The following VPS13A variants were observed in gnomAD, a reference collection of about 807,000 sequenced individuals.
The protein encoded by VPS13A is intermembrane lipid transfer protein VPS13A.
VPS13A carries 264 observed loss-of-function variants against 390.9 expected under a neutral mutation model. That is an observed-to-expected ratio of 0.68 (90% CI 0.61 to 0.75). The LOEUF (loss-of-function observed/expected upper bound fraction) is 0.75, where lower values mean the gene tolerates loss of function less well. Among genes scored for constraint, VPS13A ranks in the 30% least tolerant of loss-of-function variants. The pLI is 0.00. For missense variants in VPS13A, 3,409 were observed against 3,733.9 expected (o/e 0.91, Z 2.27); for synonymous variants, 1,231 against 1,227.1 (o/e 1.00, Z -0.07).
chr9:77,309,690 A>G (rs1316114216), intron 35 of VPS13A, among the ~76,000 whole-genome samples: 1 of 152,190 alleles, frequency 6.6e-6, no homozygotes, highest in East Asian at 1.9e-4. Flanking sequence ...ACCTGACCAC[A>G]GGTAATTGAA....
chr9:77,357,300 C>CAG (rs1831853349), intron 55 of VPS13A, among the ~76,000 whole-genome samples: 1 of 112,554 alleles, frequency 8.9e-6, no homozygotes, highest in Non-Finnish European at 1.6e-5. Flanking sequence ...GCCTGGCTGA[C>CAG]AGCAAGACTC....
intron 33 of VPS13A, among the ~76,000 whole-genome samples, chr9:77,298,624 G>A (rs1011102345): frequency 7.2e-5 from 11 of 152,104 alleles, no homozygotes; most frequent in Admixed American, 2.6e-4. Context: ...AAGTGTGACC[G>A]AAGGTAGTGG....
intron 1 of VPS13A, among the ~76,000 whole-genome samples, chr9:77,180,099 C>G (rs1461273898): frequency 1.3e-5 from 2 of 152,146 alleles, no homozygotes; most frequent in Non-Finnish European, 2.9e-5. Flanking sequence ...ATTTATTTAT[C>G]TATACTCACC....
chr9:77,327,952 A>C (rs1830097334), intron 45 of VPS13A, among the ~76,000 whole-genome samples: 1 of 152,158 alleles, frequency 6.6e-6, no homozygotes, highest in African/African-American at 2.4e-5. Context: ...AATCCTTTCC[A>C]GAAGGTTTTC....
chr9:77,308,207 T>C (rs893403215), intron 35 of VPS13A, 109 bp downstream of exon 35: 1 of 1,179,984 alleles, frequency 8.5e-7, no homozygotes, highest in African/African-American at 1.5e-5. Flanking sequence ...CCCCTCTTTC[T>C]CCCTCCTTTC....
At chr9:77,244,286 G>A (rs1219400087) in intron 19 of VPS13A, among the ~76,000 whole-genome samples, 1 of 152,086 alleles carries the variant, frequency 6.6e-6, no homozygotes, top group Non-Finnish European at 1.5e-5. Flanking sequence ...ATATAGAACT[G>A]AGACAGCGTT....
Position 77,321,225 on chromosome 9 carries a change from C to T in VPS13A, c.5472C>T (p.Tyr1824=), listed in dbSNP as rs1295215032. ...IVESDPEEEN[Y]KVPEYKTVIS... is the part of the protein sequence containing the mutation. The stretch of plus-strand genomic sequence containing the variant: ...AGTCAGATCCTGAAGAAGAAAACTA[C>T]AAAGTGCCAGAATATAAAACTGTCA... Residue 1824 remains tyrosine (Y), a synonymous_variant, in exon 43 of 72, where the codon TAC becomes TAT. Transcript: ENST00000360280. 6.2e-7 allele frequency: 1 copy of T among 1,612,578 alleles called. No individual in the cohort carries two copies. The highest frequency in any genetic ancestry group is 2.2e-5 in the East Asian group (1 of 44,740).
intron 59 of VPS13A, among the ~76,000 whole-genome samples, chr9:77,361,334 A>G (rs1832128633): frequency 6.6e-6 from 1 of 152,048 alleles, no homozygotes; most frequent in Non-Finnish European, 1.5e-5. Flanking sequence ...AGAATCATAC[A>G]CTGTGTAGTC....
In VPS13A at chr9:77,359,398, A is replaced by G. The variant is rs149959044; in HGVS notation, c.8101A>G (p.Ile2701Val). ...TGCAGGACATTCCCAGATATCACGT[A>G]TTAAGTAAGTGTCTTAATACATTTC... Reference protein sequence around the residue: ...RSAGHSQISRIKYFKVLIQEM... With the variant: ...RSAGHSQISRVKYFKVLIQEM... The change falls in exon 58 of 72, where the codon ATT becomes GTT. Residue 2701 changes from isoleucine to valine, a missense_variant. By Grantham distance (29) the Ile-to-Val change is conservative. Transcript: ENST00000360280. 7.4e-6 allele frequency: 12 copies of G among 1,610,928 alleles called. No homozygotes were observed. The highest frequency in any genetic ancestry group is 1.3e-5 in the African/African-American group (1 of 74,870).
At position 77,283,391 on chromosome 9, in the gene VPS13A, T is replaced by A. The variant is rs1378817669; in HGVS notation, c.3155T>A (p.Leu1052Ter). 6.2e-7 allele frequency: 1 copy of A among 1,607,134 alleles called. No homozygotes were observed. Among genetic ancestry groups the A allele is most frequent in the Non-Finnish European group, 8.5e-7 (1 of 1,174,462 alleles). ...KLSTNEDIITLQILAELSCLQ... is the reference protein window; with the variant it reads ...KLSTNEDIIT ...TCCACAAATGAAGATATCATTACTT[T>A]GCAGATTTTAGCAGAATTATCGTGT... is the stretch of plus-strand genomic sequence containing the variant. Residue 1052 changes from leucine (L) to a stop codon, truncating the protein, a stop_gained, in exon 30 of 72, where the codon TTG becomes TAG. Transcript: ENST00000360280. LOFTEE classifies it high-confidence loss of function.
intron 33 of VPS13A, among the ~76,000 whole-genome samples, chr9:77,299,551 T>C (rs1055982315): frequency 7.2e-5 from 11 of 152,192 alleles, no homozygotes; most frequent in African/African-American, 2.7e-4. Flanking sequence ...AAATACCATT[T>C]GACCCAGCCA....
In VPS13A at chr9:77,319,600, T is replaced by A; in HGVS notation, c.5342T>A (p.Val1781Glu). 1 of 1,611,110 alleles carries A rather than the reference T, an allele frequency of 6.2e-7. No homozygotes were observed. Among genetic ancestry groups the A allele is most frequent in the Non-Finnish European group, 8.5e-7 (1 of 1,177,676 alleles). ...CATTATTATAATGAAATGTTTGGTG[T>A]ATGGGAGCCTTTGCTTGAACCCTTA... ...EVHYYNEMFGVWEPLLEPLEI... is the reference protein window; with the variant it reads ...EVHYYNEMFGEWEPLLEPLEI... Residue 1781 changes from valine (V) to glutamate (E), a missense_variant, in exon 42 of 72, where the codon GTA becomes GAA. By Grantham distance (121) the Val-to-Glu change is moderately radical. Transcript: ENST00000360280.
At chr9:77,405,834 C>A (rs767703023) in intron 69 of VPS13A, 30 bp from the exon 70 acceptor site, 1 of 1,610,800 alleles carries the variant, frequency 6.2e-7, no homozygotes. Flanking sequence ...AATTTTAAAG[C>A]GAATTCTTTT....
chr9:77,218,593 C>T (rs557480391), intron 10 of VPS13A, among the ~76,000 whole-genome samples: 81 of 151,014 alleles, frequency 5.4e-4, no homozygotes, highest in Non-Finnish European at 1.0e-3. Context: ...GTTTGAGAAC[C>T]ACTCAGATAG....
In VPS13A at chr9:77,302,801, A is replaced by G; in HGVS notation, c.3813-114A>G. On this transcript the variant is annotated intron_variant, in intron 33 of 71. Transcript: ENST00000360280. The stretch of plus-strand genomic sequence containing the variant: ...TGATAGATATTTTCCCTTTATACCC[A>G]ACAAATTATTGATTTCTGCTATTTG... The G allele has an allele frequency of 7.7e-6, 9 of 1,174,044 alleles. No homozygotes were observed. In the South Asian group the frequency reaches 1.1e-4, roughly 14 times the overall value. 72.7% of individuals were successfully genotyped at this position (1,174,044 alleles called of 1,614,324 possible).
chr9:77,353,094 A>C (rs1306295017), intron 53 of VPS13A, among the ~76,000 whole-genome samples: 2 of 152,108 alleles, frequency 1.3e-5, no homozygotes, highest in Admixed American at 1.3e-4. Context: ...TCTTAGAATA[A>C]AGCAGAAAAA....
chr9:77,328,846 C>T (rs763859596), intron 45 of VPS13A, among the ~76,000 whole-genome samples: 3 of 152,154 alleles, frequency 2.0e-5, no homozygotes, highest in Non-Finnish European at 4.4e-5. Context: ...TAAAGAACTG[C>T]CCAGGACTTA....
Position 77,339,583 on chromosome 9 carries a change from G to A in VPS13A, c.6446G>A (p.Gly2149Asp). Residue 2149 changes from glycine to aspartate, a missense_variant, in exon 48 of 72, where the codon GGT (glycine) becomes GAT (aspartate). Physicochemically the swap from Gly to Asp is moderately conservative, Grantham distance 94. Around this residue, in one of 5 missense-constraint regions of VPS13A, gnomAD observed 2,717 missense variants for 2,917.4 expected, o/e 0.93. Coordinates refer to ENST00000360280, the MANE Select transcript of VPS13A (RefSeq NM_033305.3). ...GCCCAGATTTGTACTGCACAGTTGG[G>A]TAAAGCCAGGCTACATTTAAAATTA... The part of the protein sequence containing the change: ...HSAQICTAQL[G>D]KARLHLKLLD... The A allele has an allele frequency of 6.2e-7, 1 of 1,600,342 alleles. No homozygotes were observed. Among genetic ancestry groups the A allele is most frequent in the Non-Finnish European group, 8.5e-7 (1 of 1,172,216 alleles).
At chr9:77,241,100 C>G (rs752541650) in intron 19 of VPS13A, among the ~76,000 whole-genome samples, 1 of 152,070 alleles carries the variant, frequency 6.6e-6, no homozygotes. Context: ...CTGGAAAATT[C>G]TTAGCCACTA....
Sources: gnomAD v4.1 joint callset for allele counts (sites outside exome capture counted in the v4.1 genomes callset) on GRCh38, gnomAD v4.1.1 for gene constraint, gnomAD v4.1.1 regional missense constraint, MANE v1.5 for transcripts, NCBI Gene and HGNC (gene_info 2026-07-23, HGNC 2026-07-21) for gene names.